BAAT: variants seen among roughly 807,000 people sequenced by gnomAD.
BAAT encodes bile acid-CoA:amino acid N-acyltransferase.
A neutral mutation model predicts 18.9 loss-of-function variants in BAAT; 13 were observed. The ratio of observed to expected loss-of-function variants is 0.69; its 90% CI spans 0.45 to 1.10. The LOEUF is 1.10. Among genes scored for constraint, BAAT ranks in the 50% least tolerant of loss-of-function variants. The pLI is 0.00. For synonymous variants in BAAT, 170 were observed against 190.7 expected, an observed-to-expected ratio of 0.89 and a Z score of 0.89; for missense variants, 489 against 504.0, an observed-to-expected ratio of 0.97 and a Z score of 0.28.
At chr9:101,384,626 A>C (rs982937247) in intron 1 of BAAT, among the ~76,000 whole-genome samples, 2 of 152,224 alleles carry the variant, frequency 1.3e-5, no homozygotes, top group Non-Finnish European at 1.5e-5. Context: ...AATGAATTAC[A>C]ACTACATGCA....
intron 3 of BAAT, among the ~76,000 whole-genome samples, chr9:101,366,206 G>C (rs1164344893): frequency 6.6e-6 from 1 of 152,040 alleles, no homozygotes; most frequent in African/African-American, 2.4e-5. Flanking sequence ...ACTCAGAGTG[G>C]ATTTGGCCAT....
intron 2 of BAAT, among the ~76,000 whole-genome samples, chr9:101,369,942 G>A (rs1829901956): frequency 6.6e-6 from 1 of 152,096 alleles, no homozygotes; most frequent in African/African-American, 2.4e-5. Flanking sequence ...ATAGCCATTA[G>A]GAAGCATGCT....
At chr9:101,381,728 T>C (rs1247030340) in intron 1 of BAAT, among the ~76,000 whole-genome samples, 1 of 152,130 alleles carries the variant, frequency 6.6e-6, no homozygotes. Context: ...CAGACATAAA[T>C]ACATGCTGAC....
chr9:101,370,520 C>T (rs1829917280), intron 2 of BAAT, among the ~76,000 whole-genome samples: 1 of 151,864 alleles, frequency 6.6e-6, no homozygotes, highest in Non-Finnish European at 1.5e-5. Context: ...GGCTATGTTG[C>T]CCAGGCTGGT....
At chr9:101,368,746 C>T (rs1564055522) in intron 2 of BAAT, among the ~76,000 whole-genome samples, 1 of 151,938 alleles carries the variant, frequency 6.6e-6, no homozygotes, top group South Asian at 2.1e-4. Context: ...AAGAAGTATA[C>T]AAATAAGCTT....
Position 101,362,656 on chromosome 9 carries a change from C to T in BAAT, c.1029G>A (p.Gln343=), listed in dbSNP as rs1261815424. The change falls in exon 4 of 4, where the codon CAG becomes CAA. Residue 343 remains glutamine (Q), a synonymous_variant. Transcript: ENST00000259407. The part of the protein sequence containing the change: ...SKAHAEQAIG[Q]LKRHGKNNWT... ...AGTTGTTCTTCCCATGTCTCTTCAG[C>T]TGTCCTATGGCTTGTTCAGCGTGTG... is the stretch of plus-strand genomic sequence containing the variant. The T allele has an allele frequency of 6.2e-7, 1 of 1,614,070 alleles. No homozygotes were observed. The highest frequency in any genetic ancestry group is 1.3e-5 in the African/African-American group (1 of 74,940).
intron 1 of BAAT, among the ~76,000 whole-genome samples, chr9:101,373,446 T>C (rs544093729): frequency 6.3e-4 from 96 of 152,340 alleles, no homozygotes; most frequent in African/African-American, 2.3e-3. Flanking sequence ...GATTTAATTC[T>C]TTGATATAAG....
In BAAT at chr9:101,362,125, G is replaced by T; in HGVS notation, c.*303C>A. 2.2e-6 allele frequency: 1 copy of T among 463,938 alleles called. No homozygotes were observed. Among genetic ancestry groups the T allele is most frequent in the East Asian group, 4.1e-5 (1 of 24,438 alleles). 28.7% of individuals were successfully genotyped at this position (463,938 alleles called of 1,614,324 possible). ...TGTTACTTTGGTGCTATTCTTGTTT[G>T]CCTTTTCTTATTTTTGCCAGTGTAC... On this transcript the variant is annotated 3_prime_UTR_variant, in exon 4 of 4. Coordinates refer to ENST00000259407, the MANE Select transcript of BAAT (RefSeq NM_001701.4).
intron 1 of BAAT, among the ~76,000 whole-genome samples, chr9:101,384,485 TCA>T (rs1324958595): frequency 6.6e-6 from 1 of 152,162 alleles, no homozygotes; most frequent in Non-Finnish European, 1.5e-5. Context: ...AGTGAATCAC[TCA>T]GACTCAAGCC....
intron 1 of BAAT, among the ~76,000 whole-genome samples, chr9:101,372,726 C>T (rs1829975546): frequency 6.6e-6 from 1 of 150,532 alleles, no homozygotes; most frequent in South Asian, 2.1e-4. Flanking sequence ...AAGTGACAAG[C>T]TGCTCCATAG....
At chr9:101,363,751 A>G (rs1212925832) in intron 3 of BAAT, among the ~76,000 whole-genome samples, 1 of 152,226 alleles carries the variant, frequency 6.6e-6, no homozygotes, top group African/African-American at 2.4e-5. Flanking sequence ...AGGCAGGATC[A>G]AAGAAAGGCT....
intron 1 of BAAT, among the ~76,000 whole-genome samples, chr9:101,372,623 G>GTTTTTTTTTTTTTTTTTTGTTTTTTTT (rs5899439): frequency 7.4e-6 from 1 of 134,262 alleles, no homozygotes; most frequent in Admixed American, 7.5e-5. Flanking sequence ...GGGGTTGTTG[G>GTTTTTTTTTTTTTTTTTTGTTTTTTTT]TTTTTTTTTT....
chr9:101,379,559 C>T (rs1250558371), intron 1 of BAAT, among the ~76,000 whole-genome samples: 3 of 152,144 alleles, frequency 2.0e-5, no homozygotes, highest in Non-Finnish European at 4.4e-5. Flanking sequence ...ATTCATTTTG[C>T]AAATAAATTG....
chr9:101,368,201 A>C lies in BAAT; in HGVS notation c.588T>G (p.Tyr196Ter). The change falls in exon 3 of 4, where the codon TAT becomes TAG. Residue 196 changes from tyrosine (Y) to a stop codon, truncating the protein, a stop_gained. Transcript: ENST00000259407. LOFTEE classifies it high-confidence loss of function. ...CTTCTGGTTTGCGGGGCAGGTCTTCATAGTTATGGTAAGCCAAGGCCAAGG... is the reference window on the plus strand; with the variant it reads ...CTTCTGGTTTGCGGGGCAGGTCTTCCTAGTTATGGTAAGCCAAGGCCAAGG... ...FASLALAYHN[Y>*]EDLPRKPEVT... 1 of 1,610,776 alleles carries C rather than the reference A, an allele frequency of 6.2e-7. No homozygotes were observed. The highest frequency in any genetic ancestry group is 8.5e-7 in the Non-Finnish European group (1 of 1,178,180).
chr9:101,368,435 TAAATA>T (rs916162117), intron 2 of BAAT, 113 bp from the exon 3 acceptor site: 50 of 968,804 alleles, frequency 5.2e-5, no homozygotes, highest in Non-Finnish European at 5.6e-5. Flanking sequence ...ATAAAATAAA[TAAATA>T]AAAGATAATA....
At position 101,370,942 on chromosome 9, in the gene BAAT, G is replaced by A. The variant is rs749544775; in HGVS notation, c.463C>T (p.Pro155Ser). 4.3e-6 allele frequency: 7 copies of A among 1,613,994 alleles called. No homozygotes were observed. Among genetic ancestry groups the A allele is most frequent in the Admixed American group, 1.7e-5 (1 of 60,008 alleles). Reference sequence around the variant, plus strand: ...TAAGCAGAGTAATTCTACTCACCTGGAGGGAGAAAGAGAGCTCCTCGAAGG... The same window carrying A: ...TAAGCAGAGTAATTCTACTCACCTGAAGGGAGAAAGAGAGCTCCTCGAAGG... ...GRLRGALFLP[P>S]GEGLFPGVID... Residue 155 changes from proline (P) to serine (S), a missense_variant, in exon 2 of 4, where the codon CCA (proline) becomes TCA (serine). Pro to Ser is a moderately conservative substitution (Grantham distance 74). Transcript: ENST00000259407.
chr9:101,362,419 C>A lies in BAAT; in HGVS notation c.*9G>T, dbSNP rs1039229879. On this transcript the variant is annotated 3_prime_UTR_variant, in exon 4 of 4. Coordinates refer to ENST00000259407, the MANE Select transcript of BAAT (RefSeq NM_001701.4). Reference sequence around the variant, plus strand: ...TTGCTTCTTTATTTTCTAGGAATATCTAGTCTTCTTAGAGTTGACTGGTCA... The same window carrying A: ...TTGCTTCTTTATTTTCTAGGAATATATAGTCTTCTTAGAGTTGACTGGTCA... 4 of 1,611,956 alleles carry A rather than the reference C, an allele frequency of 2.5e-6. No individual in the cohort carries two copies. In the African/African-American group the frequency reaches 5.3e-5, roughly 22 times the overall value.
At chr9:101,373,442 A>G (rs1829991113) in intron 1 of BAAT, among the ~76,000 whole-genome samples, 1 of 152,216 alleles carries the variant, frequency 6.6e-6, no homozygotes, top group Non-Finnish European at 1.5e-5. Context: ...ATCAGATTTA[A>G]TTCTTTGATA....
chr9:101,367,827 C>T (rs1829857178), intron 3 of BAAT, among the ~76,000 whole-genome samples: 1 of 152,320 alleles, frequency 6.6e-6, no homozygotes, highest in Middle Eastern at 3.4e-3. Flanking sequence ...TATGACTTCT[C>T]TTAACTTCCA....
Sources: allele counts gnomAD v4.1 joint callset (sites outside exome capture counted in the v4.1 genomes callset), GRCh38; gene constraint gnomAD v4.1.1; transcripts MANE v1.5; gene names NCBI Gene and HGNC (gene_info 2026-07-23, HGNC 2026-07-21).